The following CASZ1 variants were observed in gnomAD, a reference collection of about 807,000 sequenced individuals.
The protein encoded by CASZ1 is zinc finger protein castor homolog 1.
CASZ1 carries 28 observed loss-of-function variants against 135.2 expected under a neutral mutation model. That is an observed-to-expected ratio of 0.21 (90% CI 0.15 to 0.28). The LOEUF is 0.28. CASZ1 is among the 10% of genes least tolerant of loss of function. CASZ1 has a pLI of 1.00. For missense variants in CASZ1, 2,161 were observed against 2,453.3 expected (o/e 0.88, Z 2.52); for synonymous variants, 1,068 against 1,073.4 (o/e 0.99, Z 0.10).
rs760644615 is a variant in CASZ1, at chr1:10,647,823, C to T, written c.3475G>A (p.Gly1159Arg). ...CACTTCTCCTGGAACTGGAGGAATC[C>T]GGGTTTGACCTGGGGCTTGGCGTTC... ...LENAKPQVKP[G>R]FLQFQENDPC... The change falls in exon 16 of 21, where the codon GGA becomes AGA. Residue 1159 changes from glycine to arginine, a missense_variant. By Grantham distance (125) the Gly-to-Arg change is moderately radical. Around this residue, in one of 7 missense-constraint regions of CASZ1, gnomAD observed 349 missense variants for 460.8 expected, o/e 0.76. Coordinates refer to ENST00000377022, the MANE Select transcript of CASZ1 (RefSeq NM_001079843.3). The surrounding 1 kb of genome is among the most constrained non-coding windows in gnomAD (Gnocchi z 4.9). 21 of 1,613,680 alleles carry T rather than the reference C, an allele frequency of 1.3e-5. No homozygotes were observed. The highest frequency in any genetic ancestry group is 6.6e-5 in the South Asian group (6 of 91,078).
At chr1:10,682,445 G>A (rs577600519) in intron 4 of CASZ1, among the ~76,000 whole-genome samples, 20 of 152,310 alleles carry the variant, frequency 1.3e-4, no homozygotes, top group Admixed American at 3.3e-4. Flanking sequence ...GGAGGCAGGA[G>A]CTTCCAGTGG....
chr1:10,768,205 C>CGTTTGTTTGTTT (rs113559571), intron 1 of CASZ1, among the ~76,000 whole-genome samples: 52 of 151,974 alleles, frequency 3.4e-4, no homozygotes, highest in African/African-American at 1.0e-3. Context: ...CATTATTGTT[C>CGTTTGTTTGTTT]GTTTGTTTGT....
intron 1 of CASZ1, among the ~76,000 whole-genome samples, chr1:10,787,653 GCACA>G (rs148201374): frequency 2.0e-5 from 3 of 151,484 alleles, no homozygotes; most frequent in Admixed American, 6.6e-5. Context: ...ACGATCACCC[GCACA>G]CACACACACG....
chr1:10,767,548 C>T lies in CASZ1; in HGVS notation c.-233-6691G>A, dbSNP rs538441149. ...CGGAGGAGTCAGCAGCTGCCTGCCCCGAGAGGTTTGGTCCACACCTGCTCG... is the reference window on the plus strand; with the variant it reads ...CGGAGGAGTCAGCAGCTGCCTGCCCTGAGAGGTTTGGTCCACACCTGCTCG... On this transcript the variant is annotated intron_variant, in intron 1 of 20. Transcript: ENST00000377022. This position sits in a 1 kb window ranked among gnomAD's most constrained non-coding sequence, Gnocchi z 4.2. 5.3e-5 allele frequency among the ~76,000 whole-genome samples: 8 copies of T among 152,314 alleles called. No individual in the cohort carries two copies. In the East Asian group the frequency reaches 9.7e-4, roughly 18 times the overall value.
chr1:10,716,327 G>T (rs1341332708), intron 2 of CASZ1, among the ~76,000 whole-genome samples: 1 of 152,134 alleles, frequency 6.6e-6, no homozygotes, highest in Admixed American at 6.5e-5. Context: ...CATGGCTCTC[G>T]GGTAGACCCG....
chr1:10,789,951 C>T (rs151215785), intron 1 of CASZ1, among the ~76,000 whole-genome samples: 5 of 152,306 alleles, frequency 3.3e-5, no homozygotes, highest in African/African-American at 4.8e-5. Context: ...CTCAGAGCCA[C>T]AGCAACTTAA....
intron 2 of CASZ1, among the ~76,000 whole-genome samples, chr1:10,738,108 G>A (rs1238467343): frequency 6.6e-6 from 1 of 152,152 alleles, no homozygotes; most frequent in Non-Finnish European, 1.5e-5. Flanking sequence ...ACGAGCAATC[G>A]AGCAACTAAT....
intron 5 of CASZ1, among the ~76,000 whole-genome samples, chr1:10,664,498 G>A (rs561290055): frequency 9.3e-4 from 141 of 152,264 alleles, no homozygotes; most frequent in African/African-American, 2.7e-3. Flanking sequence ...TACGCTGGCC[G>A]GGCTGGCAAT....
rs373809897 is a variant in CASZ1, at chr1:10,647,897, G to A, written c.3401C>T (p.Ala1134Val). The change falls in exon 16 of 21, where the codon GCG (alanine) becomes GTG (valine). Residue 1134 changes from alanine to valine, a missense_variant. Around this residue, in one of 7 missense-constraint regions of CASZ1, gnomAD observed 349 missense variants for 460.8 expected, o/e 0.76. Transcript: ENST00000377022. This position sits in a 1 kb window ranked among gnomAD's most constrained non-coding sequence, Gnocchi z 4.9. ...STIPQMPQIP[A>V]SVPHLPASPL... ...CGAGGCGGGCAGGTGAGGCACTGAC[G>A]CTGGGATCTGAGGCATCTGGGGTAT... The A allele has an allele frequency of 1.1e-5, 18 of 1,613,732 alleles. No homozygotes were observed. The highest frequency in any genetic ancestry group is 1.4e-5 in the Non-Finnish European group (16 of 1,180,000).
At chr1:10,722,327 A>G (rs765486135) in intron 2 of CASZ1, among the ~76,000 whole-genome samples, 20 of 152,358 alleles carry the variant, frequency 1.3e-4, no homozygotes, top group Middle Eastern at 6.8e-3. Flanking sequence ...GACACTCAGT[A>G]AAGGATGAGA....
chr1:10,644,784 G>T, intron 18 of CASZ1, 133 bp downstream of exon 18: 2 of 894,642 alleles, frequency 2.2e-6, no homozygotes, highest in Non-Finnish European at 3.4e-6. Flanking sequence ...GTGATATCTG[G>T]GACACCTTTA....
intron 1 of CASZ1, among the ~76,000 whole-genome samples, chr1:10,764,152 C>T (rs1397885931): frequency 1.3e-5 from 2 of 152,196 alleles, no homozygotes; most frequent in African/African-American, 2.4e-5. Flanking sequence ...TGTGAACCAC[C>T]GCACCCAGCC....
rs898454983 is a variant in CASZ1, at chr1:10,696,475, G to A, written c.-23-2563C>T. 5.9e-5 allele frequency among the ~76,000 whole-genome samples: 9 copies of A among 152,352 alleles called. No individual in the cohort carries two copies. The East Asian group carries it at 9.6e-4, about 16-fold the overall frequency. On this transcript the variant is annotated intron_variant, in intron 3 of 20. Transcript: ENST00000377022. ...CAGAGGACTGTGTGCCTCTGCTCCC[G>A]ACATGGGATCTCAGAGAGGGCATCT... is the stretch of plus-strand genomic sequence containing the variant.
chr1:10,651,194 A>G (rs1642570941), intron 11 of CASZ1, 118 bp from the exon 12 acceptor site: 1 of 764,898 alleles, frequency 1.3e-6, no homozygotes, highest in South Asian at 2.8e-5. Flanking sequence ...GCTACTGGTC[A>G]GCGCTTCTCC....
intron 1 of CASZ1, among the ~76,000 whole-genome samples, chr1:10,782,175 G>C (rs1037263745): frequency 6.6e-6 from 1 of 152,244 alleles, no homozygotes; most frequent in African/African-American, 2.4e-5. Context: ...GAGCACGACT[G>C]GAGGGGTATT....
At chr1:10,658,644 G>T in intron 6 of CASZ1, 68 bp from the exon 7 acceptor site, 1 of 1,411,816 alleles carries the variant, frequency 7.1e-7, no homozygotes. Context: ...GGGGCATCTG[G>T]TGGGCAGCCC....
chr1:10,666,678 A>G lies in CASZ1; in HGVS notation c.17-1107T>C, dbSNP rs1017204311. On this transcript the variant is annotated intron_variant, in intron 4 of 20. Transcript: ENST00000377022. This position sits in a 1 kb window ranked among gnomAD's most constrained non-coding sequence, Gnocchi z 5.2. ...AGCCAGCGACCTCCCTCGCGGCCGC[A>G]TAGCCCAAACTCTGTCCCTGATAGG... Among the ~76,000 whole-genome samples, 2 of 152,190 alleles carry G rather than the reference A, an allele frequency of 1.3e-5. No homozygotes were observed.
Position 10,638,933 on chromosome 1 carries a change from C to A in CASZ1, c.*9G>T, listed in dbSNP as rs1332920670. On this transcript the variant is annotated 3_prime_UTR_variant, in exon 21 of 21. Coordinates refer to ENST00000377022, the MANE Select transcript of CASZ1 (RefSeq NM_001079843.3). The surrounding 1 kb of genome is among the most constrained non-coding windows in gnomAD (Gnocchi z 5.9). ...CCGAGGCCGCCGCCAGGGCCACCCG[C>A]GGGCGCCGCTAGGGCGAGGAGGCTG... 1 of 980,798 alleles carries A rather than the reference C, an allele frequency of 1.0e-6. No individual in the cohort carries two copies. The highest frequency in any genetic ancestry group is 1.2e-6 in the Non-Finnish European group (1 of 828,222). The allele number at this position is 980,798 out of a possible 1,614,324, so 60.8% of individuals were successfully genotyped here. A position where few individuals can be genotyped will look rare whatever the true frequency, so the allele number is the denominator to read the frequency against.
At chr1:10,764,108 C>T (rs1424114194) in intron 1 of CASZ1, among the ~76,000 whole-genome samples, 3 of 152,222 alleles carry the variant, frequency 2.0e-5, no homozygotes, top group African/African-American at 7.2e-5. Context: ...GGTGATCGGC[C>T]TGCCTTGGCC....
Sources: allele counts gnomAD v4.1 joint callset (sites outside exome capture counted in the v4.1 genomes callset), GRCh38; gene constraint gnomAD v4.1.1; regional missense constraint gnomAD v4.1.1; non-coding constraint Gnocchi (gnomAD v3.1); transcripts MANE v1.5; gene names NCBI Gene and HGNC (gene_info 2026-07-23, HGNC 2026-07-21).